The following NLRP11 variants were observed in gnomAD, a reference collection of about 807,000 sequenced individuals.
NLRP11 encodes the protein NLR family pyrin domain containing 11.
NLRP11 carries 53 observed loss-of-function variants against 79.3 expected under a neutral mutation model. The ratio of observed to expected loss-of-function variants is 0.67; its 90% CI spans 0.54 to 0.84. NLRP11 has a LOEUF of 0.84. NLRP11 is among the 40% of genes least tolerant of loss of function. NLRP11 has a pLI of 0.00. For synonymous variants in NLRP11, 518 were observed against 462.6 expected (o/e 1.12, Z -1.54); for missense variants, 1,264 against 1,255.0 (o/e 1.01, Z -0.11).
At chr19:55,799,439 C>G (rs1398265136) in intron 5 of NLRP11, among the ~76,000 whole-genome samples, 1 of 151,862 alleles carries the variant, frequency 6.6e-6, no homozygotes, top group Non-Finnish European at 1.5e-5. Flanking sequence ...TGGAAATATC[C>G]CAAAGATAAG....
chr19:55,791,724 T>G (rs1461448600), intron 7 of NLRP11, among the ~76,000 whole-genome samples: 1 of 152,206 alleles, frequency 6.6e-6, no homozygotes, highest in African/African-American at 2.4e-5. Context: ...TACGAGAAGT[T>G]TGATTATTCA....
intron 1 of NLRP11, among the ~76,000 whole-genome samples, chr19:55,824,642 C>A (rs1322253494): frequency 9.3e-6 from 1 of 106,968 alleles, no homozygotes; most frequent in Non-Finnish European, 1.7e-5. Context: ...GACTTTAAAC[C>A]AACAAAGATC....
chr19:55,800,249 A>G (rs1368583463), intron 5 of NLRP11, among the ~76,000 whole-genome samples: 1 of 152,230 alleles, frequency 6.6e-6, no homozygotes, highest in East Asian at 1.9e-4. Context: ...AAGCGTGGCT[A>G]GCATGACTGA....
chr19:55,817,309 CA>C (rs1981225228), intron 2 of NLRP11, among the ~76,000 whole-genome samples: 1 of 152,158 alleles, frequency 6.6e-6, no homozygotes, highest in African/African-American at 2.4e-5. Flanking sequence ...TTTGATCCAG[CA>C]ATCCCACTAC....
chr19:55,810,073 C>A (rs937856777), exon 3 of NLRP11: 2 of 1,614,150 alleles, frequency 1.2e-6, no homozygotes, highest in Admixed American at 1.7e-5. Context: ...CGTACGAGAT[C>A]ATGTTCTGCC....
intron 2 of NLRP11, among the ~76,000 whole-genome samples, chr19:55,817,682 G>A (rs1981269062): frequency 6.6e-6 from 1 of 152,114 alleles, no homozygotes; most frequent in African/African-American, 2.4e-5. Context: ...AAGTGTGAGA[G>A]GGAGGTGAGG....
intron 1 of NLRP11, among the ~76,000 whole-genome samples, chr19:55,822,652 G>A (rs956711622): frequency 2.7e-5 from 4 of 150,514 alleles, no homozygotes; most frequent in Non-Finnish European, 6.0e-5. Flanking sequence ...AAGGGGTGAC[G>A]GACGCACCTG....
intron 1 of NLRP11, among the ~76,000 whole-genome samples, chr19:55,829,391 A>G (rs200928500): frequency 0.13 from 20,523 of 152,030 alleles, 1,727 homozygotes; most frequent in East Asian, 0.23. Context: ...TAGGCTGGGC[A>G]GGGTGGCTCA....
chr19:55,789,107 G>T, intron 8 of NLRP11, 122 bp downstream of exon 8: 1 of 1,374,220 alleles, frequency 7.3e-7, no homozygotes, highest in Non-Finnish European at 1.0e-6. Flanking sequence ...TGCAATAAGA[G>T]TCCCATTTCA....
chr19:55,806,753 C>T (rs1980035364), intron 4 of NLRP11, among the ~76,000 whole-genome samples: 1 of 152,176 alleles, frequency 6.6e-6, no homozygotes, highest in Admixed American at 6.5e-5. Context: ...TTTACAACAC[C>T]ATGATCATGC....
chr19:55,805,481 A>G (rs1286395435), intron 4 of NLRP11, among the ~76,000 whole-genome samples: 1 of 151,870 alleles, frequency 6.6e-6, no homozygotes, highest in Admixed American at 6.6e-5. Flanking sequence ...CATTTTACAC[A>G]AACAACTTCT....
At chr19:55,789,035 G>A in intron 8 of NLRP11, 58 bp from the exon 9 acceptor site, 1 of 1,583,424 alleles carries the variant, frequency 6.3e-7, no homozygotes. Context: ...AATGGCAGAT[G>A]AGATGGGTGA....
At chr19:55,800,464 T>C (rs1425057532) in intron 5 of NLRP11, among the ~76,000 whole-genome samples, 2 of 152,282 alleles carry the variant, frequency 1.3e-5, no homozygotes, top group African/African-American at 4.8e-5. Flanking sequence ...CCTGCTACCA[T>C]GCCTGGCTAA....
upstream of NLRP11, among the ~76,000 whole-genome samples, chr19:55,835,052 G>A (rs1983116587): frequency 6.6e-6 from 1 of 152,170 alleles, no homozygotes; most frequent in African/African-American, 2.4e-5. Flanking sequence ...TCCCCATCAT[G>A]TCTGCTTCCC....
chr19:55,826,978 CA>C (rs1156575811), intron 1 of NLRP11, among the ~76,000 whole-genome samples: 33 of 143,118 alleles, frequency 2.3e-4, no homozygotes, highest in African/African-American at 7.7e-4. Flanking sequence ...GCCAAAAGAA[CA>C]AAGCTGGAGG....
chr19:55,796,194 A>G, exon 6 of NLRP11: 1 of 1,613,830 alleles, frequency 6.2e-7, no homozygotes, highest in Non-Finnish European at 8.5e-7. Flanking sequence ...CCCGCCACTG[A>G]TGAGGAGAGA....
intron 1 of NLRP11, among the ~76,000 whole-genome samples, chr19:55,823,607 G>A (rs1440861185): frequency 1.4e-5 from 2 of 146,062 alleles, no homozygotes; most frequent in African/African-American, 5.2e-5. Context: ...CGAGAACTAC[G>A]TGAAGAATGC....
chr19:55,811,695 T>C (rs1980620581), intron 2 of NLRP11, among the ~76,000 whole-genome samples: 1 of 152,098 alleles, frequency 6.6e-6, no homozygotes, highest in Non-Finnish European at 1.5e-5. Context: ...AAAATTGAGA[T>C]TCAAAGAAGC....
chr19:55,788,790 G>C lies in NLRP11; in HGVS notation c.2855+17C>G, dbSNP rs761413138. The C allele has an allele frequency of 4.4e-6, 5 of 1,148,934 alleles. No individual in the cohort carries two copies. The South Asian group carries it at 7.7e-5, about 18-fold the overall frequency. The allele number at this position is 1,148,934 out of a possible 1,614,324, so 71.2% of individuals were successfully genotyped here. ...AAAAAGAATTTTCCCCATCACCAAGGAAAATAAGCAACTTACCCAACTACC... is the reference window on the plus strand; with the variant it reads ...AAAAAGAATTTTCCCCATCACCAAGCAAAATAAGCAACTTACCCAACTACC... On this transcript the variant is annotated intron_variant, in intron 9 of 9. Transcript: ENST00000589093.
Sources: gnomAD v4.1 joint callset for allele counts (sites outside exome capture counted in the v4.1 genomes callset) on GRCh38, gnomAD v4.1.1 for gene constraint, MANE v1.5 for transcripts, NCBI Gene and HGNC (gene_info 2026-07-23, HGNC 2026-07-21) for gene names.